Variants in TCF7L2 observed in about 807,000 individuals in gnomAD.
The protein encoded by TCF7L2 is transcription factor 7-like 2.
TCF7L2 carries 23 observed loss-of-function variants against 77.9 expected under a neutral mutation model. The ratio of observed to expected loss-of-function variants is 0.30; its 90% CI spans 0.21 to 0.42. TCF7L2 has a LOEUF of 0.42. Among genes scored for constraint, TCF7L2 ranks in the 10% least tolerant of loss-of-function variants. The probability of loss-of-function intolerance (pLI) is 1.00; values close to 1 mark genes in which losing one functional copy is unlikely to be tolerated. For missense variants in TCF7L2, 654 were observed against 793.1 expected (o/e 0.82, Z 2.11); for synonymous variants, 413 against 340.2 (o/e 1.21, Z -2.36).
chr10:113,103,330 C>T (rs1465042441), intron 5 of TCF7L2, among the ~76,000 whole-genome samples: 2 of 152,190 alleles, frequency 1.3e-5, no homozygotes, highest in Non-Finnish European at 2.9e-5. Flanking sequence ...GAAGTTGTGG[C>T]TTCTGAGCCT....
chr10:113,055,182 G>A lies in TCF7L2; in HGVS notation c.552+15056G>A, dbSNP rs1433767510. Among the ~76,000 whole-genome samples the A allele has an allele frequency of 4.6e-5, 7 of 152,320 alleles. No homozygotes were observed. The East Asian group carries it at 1.2e-3, about 25-fold the overall frequency. On this transcript the variant is annotated intron_variant, in intron 5 of 13. Transcript: ENST00000627217. ...TGCTGGTTTTAATTTTAATTCACAT[G>A]CTATTGTCAAGCTCTCCAGAACAAC...
chr10:113,011,060 G>T (rs891815309), intron 4 of TCF7L2, among the ~76,000 whole-genome samples: 1 of 152,166 alleles, frequency 6.6e-6, no homozygotes, highest in South Asian at 2.1e-4. Context: ...GCATCTGGGC[G>T]TATCTGCCTG....
intron 4 of TCF7L2, among the ~76,000 whole-genome samples, chr10:113,038,799 A>G (rs922409863): frequency 2.8e-4 from 42 of 152,134 alleles, no homozygotes; most frequent in African/African-American, 8.9e-4. Flanking sequence ...CATGCTGGCA[A>G]AACTCCCCGA....
rs1160207929 is a variant in TCF7L2 at position 113,165,588 on chromosome 10, T to C, written c.1425T>C (p.Gly475=). 1 of 1,613,808 alleles carries C rather than the reference T, an allele frequency of 6.2e-7. No individual in the cohort carries two copies. Among genetic ancestry groups the C allele is most frequent in the Non-Finnish European group, 8.5e-7 (1 of 1,179,958 alleles). Reference sequence around the variant, plus strand: ...AAAAGTGCGTTCGCTACATACAAGGTGAAGGCAGCTGCCTCAGCCCACCCT... The same window carrying C: ...AAAAGTGCGTTCGCTACATACAAGGCGAAGGCAGCTGCCTCAGCCCACCCT... The change falls in exon 14 of 14, where the codon GGT becomes GGC. Residue 475 remains glycine (G), a synonymous_variant. Transcript: ENST00000627217.
chr10:113,099,099 T>C (rs2061359492), intron 5 of TCF7L2, among the ~76,000 whole-genome samples: 1 of 152,190 alleles, frequency 6.6e-6, no homozygotes, highest in Admixed American at 6.5e-5. Context: ...CTATTCTTCA[T>C]TGTGGGCTGT....
At chr10:113,092,560 T>A (rs764237371) in intron 5 of TCF7L2, among the ~76,000 whole-genome samples, 1 of 152,208 alleles carries the variant, frequency 6.6e-6, no homozygotes, top group Non-Finnish European at 1.5e-5. Flanking sequence ...GAAATTCACA[T>A]GTAACATTCC....
chr10:113,117,398 TC>T (rs2063898524), intron 5 of TCF7L2, among the ~76,000 whole-genome samples: 2 of 50,586 alleles, frequency 4.0e-5, no homozygotes, highest in Non-Finnish European at 4.0e-5. Flanking sequence ...TCTCTCTCTC[TC>T]TCTCTCTCTC....
rs902784240 is a variant in TCF7L2 at position 113,046,861 on chromosome 10, T to C, written c.552+6735T>C. ...TTAGAAATATACCAAATTATCCTTT[T>C]TTCCTCTGAGTGTATGAATATTTAT... On this transcript the variant is annotated intron_variant, in intron 5 of 13. Transcript: ENST00000627217. Among the ~76,000 whole-genome samples, 12 of 152,336 alleles carry C rather than the reference T, an allele frequency of 7.9e-5. 1 individual carries two copies. In the South Asian group the frequency reaches 2.5e-3, roughly 32 times the overall value.
chr10:113,013,594 G>A (rs183831733), intron 4 of TCF7L2, among the ~76,000 whole-genome samples: 36 of 152,324 alleles, frequency 2.4e-4, no homozygotes, highest in Admixed American at 1.4e-3. Flanking sequence ...TTTGTAATTG[G>A]TTAAGGAAGA....
chr10:113,111,149 A>G (rs2063080119), intron 5 of TCF7L2, among the ~76,000 whole-genome samples: 1 of 152,064 alleles, frequency 6.6e-6, no homozygotes, highest in Non-Finnish European at 1.5e-5. Flanking sequence ...AAGTGAATTG[A>G]ACATTGGGCT....
At chr10:112,962,703 A>G (rs1287869825) in intron 3 of TCF7L2, among the ~76,000 whole-genome samples, 2 of 151,958 alleles carry the variant, frequency 1.3e-5, no homozygotes, top group African/African-American at 4.8e-5. Context: ...GGTCCAAGCA[A>G]TTTTCCTGCC....
chr10:112,971,442 G>A (rs2134894074), intron 4 of TCF7L2, among the ~76,000 whole-genome samples: 1 of 152,122 alleles, frequency 6.6e-6, no homozygotes, highest in South Asian at 2.1e-4. Context: ...TTGAGTAGCT[G>A]GGATTACAGG....
intron 5 of TCF7L2, among the ~76,000 whole-genome samples, chr10:113,123,537 A>C (rs765127622): frequency 6.6e-6 from 1 of 152,242 alleles, no homozygotes; most frequent in Non-Finnish European, 1.5e-5. Context: ...ACATATCTGC[A>C]TAAGGACTAT....
intron 4 of TCF7L2, among the ~76,000 whole-genome samples, chr10:112,990,458 G>A (rs892937469): frequency 1.3e-5 from 2 of 152,282 alleles, no homozygotes; most frequent in African/African-American, 2.4e-5. Flanking sequence ...AGTAATCCCA[G>A]CACTTTGGGA....
chr10:112,958,828 G>GA (rs1589667985), intron 3 of TCF7L2, among the ~76,000 whole-genome samples: 1 of 152,250 alleles, frequency 6.6e-6, no homozygotes, highest in East Asian at 1.9e-4. Context: ...CATACCCAGG[G>GA]AAGGACACAT....
rs771649690 is a variant in TCF7L2 at position 113,165,620 on chromosome 10, A to G, written c.1457A>G (p.Asp486Gly). ...AGCTGCCTCAGCCCACCCTCTTCAGATGGAAGCTTACTAGATTCGCCTCCC... is the reference window on the plus strand; with the variant it reads ...AGCTGCCTCAGCCCACCCTCTTCAGGTGGAAGCTTACTAGATTCGCCTCCC... Residue 486 changes from aspartate to glycine, a missense_variant, in exon 14 of 14, where the codon GAT becomes GGT. Physicochemically the swap from Asp to Gly is moderately conservative, Grantham distance 94 (BLOSUM62 -1). This residue lies in a region of TCF7L2 where 272 missense variants were observed against 215.4 expected (regional missense o/e 1.26). Coordinates refer to ENST00000627217, the MANE Select transcript of TCF7L2 (RefSeq NM_001146274.2). The G allele has an allele frequency of 1.2e-6, 2 of 1,613,710 alleles. No individual in the cohort carries two copies. The highest frequency in any genetic ancestry group is 2.2e-5 in the South Asian group (2 of 91,040).
At chr10:112,951,768 C>G in intron 3 of TCF7L2, 161 bp downstream of exon 3, 1 of 221,192 alleles carries the variant, frequency 4.5e-6, no homozygotes, top group Non-Finnish European at 7.8e-6. Context: ...AGGCCCGAAA[C>G]TCTCCAAACT....
At chr10:113,100,433 C>T (rs141580331) in intron 5 of TCF7L2, among the ~76,000 whole-genome samples, 30 of 152,020 alleles carry the variant, frequency 2.0e-4, no homozygotes, top group African/African-American at 4.8e-4. Context: ...ATTTGATTGA[C>T]GTCGGAAACA....
intron 4 of TCF7L2, among the ~76,000 whole-genome samples, chr10:112,994,727 G>T (rs997912050): frequency 2.0e-5 from 3 of 152,144 alleles, no homozygotes; most frequent in African/African-American, 7.2e-5. Context: ...TATAAAAAGT[G>T]GTTTGGGAGG....
Sources: gnomAD v4.1 joint callset for allele counts (sites outside exome capture counted in the v4.1 genomes callset) on GRCh38, gnomAD v4.1.1 for gene constraint, gnomAD v4.1.1 regional missense constraint, MANE v1.5 for transcripts, NCBI Gene and HGNC (gene_info 2026-07-23, HGNC 2026-07-21) for gene names.